The following POC1B variants were observed in gnomAD, a reference collection of about 807,000 sequenced individuals.
POC1B encodes the protein POC1 centriolar protein homolog B.
In POC1B, 44 loss-of-function variants were observed where a neutral mutation model predicts 60.6. That is an observed-to-expected ratio of 0.73 (90% confidence interval 0.57 to 0.93). POC1B has a LOEUF of 0.93. Among genes scored for constraint, POC1B ranks in the 40% least tolerant of loss-of-function variants. The pLI, the probability that POC1B is intolerant of heterozygous loss-of-function variation, is 0.00. For missense variants in POC1B, 555 were observed against 572.3 expected, an observed-to-expected ratio of 0.97 and a Z score of 0.31; for synonymous variants, 180 against 198.9, an observed-to-expected ratio of 0.90 and a Z score of 0.80.
At chr12:89,501,655 AC>A (rs1251535095) in intron 2 of POC1B, 4 of 1,142,544 alleles carry the variant, frequency 3.5e-6, no homozygotes, top group Non-Finnish European at 5.2e-6. Flanking sequence ...TTCAACTGTC[AC>A]GAGAAGTCGA....
Position 89,496,397 on chromosome 12 carries a change from T to A in POC1B, c.272+774A>T, listed in dbSNP as rs570046940. Among the ~76,000 whole-genome samples the A allele has an allele frequency of 1.1e-3, 164 of 152,166 alleles. 1 individual carries two copies. Among genetic ancestry groups the A allele is most frequent in the South Asian group, 8.5e-3 (41 of 4,818 alleles). ...TATGGGGGGAAATGATATGTAGGAT[T>A]TTTTCTAAAAATACTCCAGGGGAAA... On this transcript the variant is annotated intron_variant, in intron 3 of 11. Transcript: ENST00000313546.
chr12:89,439,478 G>T (rs1242646096), intron 10 of POC1B, among the ~76,000 whole-genome samples: 1 of 152,204 alleles, frequency 6.6e-6, no homozygotes, highest in Non-Finnish European at 1.5e-5. Context: ...TTATTAAAAT[G>T]CAGGGTCTGA....
rs372284817 is a variant in POC1B, at chr12:89,500,226, A to C, written c.101-2884T>G. On this transcript the variant is annotated intron_variant, in intron 2 of 11. Transcript: ENST00000313546. The stretch of plus-strand genomic sequence containing the variant: ...ATCTTACAAGACTGTTTTGAAGAAA[A>C]AAGTCTTGCCAATGATTTTAGCACA... 293 of 1,585,860 alleles carry C rather than the reference A, an allele frequency of 1.8e-4. 1 individual carries two copies. In the African/African-American group the frequency reaches 3.4e-3, roughly 19 times the overall value.
rs894901636 is a variant in POC1B at position 89,488,499 on chromosome 12, T to C, written c.452+3437A>G. 8.5e-5 allele frequency among the ~76,000 whole-genome samples: 13 copies of C among 152,266 alleles called. No individual in the cohort carries two copies. In the East Asian group the frequency reaches 1.7e-3, roughly 20 times the overall value. Reference sequence around the variant, plus strand: ...GCTATTATTATTATTGTTATTATTATTATTCTGAGATAGAGTCTAGCTCTG... The same window carrying C: ...GCTATTATTATTATTGTTATTATTACTATTCTGAGATAGAGTCTAGCTCTG... On this transcript the variant is annotated intron_variant, in intron 4 of 11. Transcript: ENST00000313546.
rs117230973 is a variant in POC1B, at chr12:89,497,450, C to A, written c.101-108G>T. On this transcript the variant is annotated intron_variant, in intron 2 of 11. Transcript: ENST00000313546. ...ATAACAAGGCATCCAGGTAATAGAG[C>A]GGCTGGAGGTTGTAAGGCTGCCCAG... is the stretch of plus-strand genomic sequence containing the variant. 640 of 1,165,850 alleles carry A rather than the reference C, an allele frequency of 5.5e-4. 8 individuals are homozygous for A. In the East Asian group the frequency reaches 0.015, roughly 27 times the overall value. 72.2% of individuals were successfully genotyped at this position (1,165,850 alleles called of 1,614,324 possible).
chr12:89,523,796 C>A lies in POC1B; in HGVS notation c.100+1324G>T, dbSNP rs1380037830. ...TCAATTGTGTCTATAACAGGACACA[C>A]AACTGCTGTTTCATCTCTCCCAATC... On this transcript the variant is annotated intron_variant, in intron 2 of 11. Transcript: ENST00000313546. 5 of 1,535,232 alleles carry A rather than the reference C, an allele frequency of 3.3e-6. No homozygotes were observed. The South Asian group carries it at 6.6e-5, about 20-fold the overall frequency.
rs918491608 is a variant in POC1B at position 89,520,584 on chromosome 12, G to A, written c.100+4536C>T. On this transcript the variant is annotated intron_variant, in intron 2 of 11. Transcript: ENST00000313546. Reference sequence around the variant, plus strand: ...TGGACAATTTTTTGATAAACTTTAAGGCTGCTAAATAATTTACAGAAACTG... The same window carrying A: ...TGGACAATTTTTTGATAAACTTTAAAGCTGCTAAATAATTTACAGAAACTG... 6 of 152,238 alleles carry A rather than the reference G, an allele frequency of 3.9e-5. No individual in the cohort carries two copies. The South Asian group carries it at 1.2e-3, about 32-fold the overall frequency. The allele number at this position is 152,238 out of a possible 1,614,324, so 9.4% of individuals were successfully genotyped here.
chr12:89,474,008 C>T (rs1250623244), intron 4 of POC1B, among the ~76,000 whole-genome samples: 2 of 152,022 alleles, frequency 1.3e-5, no homozygotes, highest in Non-Finnish European at 2.9e-5. Flanking sequence ...AGTTTGAGAC[C>T]AGCCTGGACA....
intron 1 of POC1B, 50 bp from the exon 2 acceptor site, chr12:89,525,254 C>G (rs760506612): frequency 6.4e-7 from 1 of 1,569,184 alleles, no homozygotes. Flanking sequence ...ACCTCGAATT[C>G]TGGCGGCTGG....
intron 4 of POC1B, among the ~76,000 whole-genome samples, chr12:89,479,101 C>T (rs1883224567): frequency 1.3e-5 from 2 of 152,132 alleles, no homozygotes; most frequent in Admixed American, 1.3e-4. Flanking sequence ...TTTTAAAAGT[C>T]CAGATCTTGT....
rs554616092 is a variant in POC1B at position 89,517,953 on chromosome 12, C to T, written c.100+7167G>A. On this transcript the variant is annotated intron_variant, in intron 2 of 11. Transcript: ENST00000313546. ...CAAATAGACAGGTTAGAATGGTGAC[C>T]AGACACCCGAAGACACTGCTGGCCT... is the stretch of plus-strand genomic sequence containing the variant. 3.9e-5 allele frequency among the ~76,000 whole-genome samples: 6 copies of T among 152,260 alleles called. No homozygotes were observed. The South Asian group carries it at 1.2e-3, about 32-fold the overall frequency.
chr12:89,426,350 T>A (rs1239419764), intron 10 of POC1B: 2 of 152,178 alleles, frequency 1.3e-5, no homozygotes, highest in African/African-American at 4.8e-5. Flanking sequence ...GTGAATATAC[T>A]TAATGCCAGT....
chr12:89,459,689 CA>C lies in POC1B; in HGVS notation c.1061del (p.Leu354CysfsTer39), dbSNP rs759972304. On this transcript the variant is annotated frameshift_variant, in exon 10 of 12. Coordinates refer to ENST00000313546, the MANE Select transcript of POC1B (RefSeq NM_172240.3). LOFTEE classifies it high-confidence loss of function. ...EINPKLEVID[L>X]QISTPPVMDI... ...CCATAACAGGGGGAGTAGAGATCTGCAAATCGATTACCTCAAGCTTTGGATT... is the reference window on the plus strand; with the variant it reads ...CCATAACAGGGGGAGTAGAGATCTGCAATCGATTACCTCAAGCTTTGGATT... 1 of 1,535,688 alleles carries C rather than the reference CA, an allele frequency of 6.5e-7. No homozygotes were observed. Among genetic ancestry groups the C allele is most frequent in the Non-Finnish European group, 8.8e-7 (1 of 1,140,278 alleles).
At chr12:89,464,667 T>C (rs1485559108) in intron 9 of POC1B, among the ~76,000 whole-genome samples, 1 of 151,622 alleles carries the variant, frequency 6.6e-6, no homozygotes, top group African/African-American at 2.4e-5. Flanking sequence ...TTTGTATTTT[T>C]AGTAGAGACG....
At chr12:89,511,398 A>G (rs1319006665) in intron 2 of POC1B, among the ~76,000 whole-genome samples, 1 of 151,826 alleles carries the variant, frequency 6.6e-6, no homozygotes, top group Non-Finnish European at 1.5e-5. Flanking sequence ...CCTGGGCAAC[A>G]AAGTGAGACT....
At chr12:89,523,333 T>G (rs1178068355) in intron 2 of POC1B, 1 of 1,614,066 alleles carries the variant, frequency 6.2e-7, no homozygotes, top group East Asian at 2.2e-5. Flanking sequence ...AATATCACCA[T>G]AAGCTTCTTT....
chr12:89,468,423 A>G (rs183578632), intron 7 of POC1B, among the ~76,000 whole-genome samples: 5 of 152,336 alleles, frequency 3.3e-5, no homozygotes, highest in African/African-American at 7.2e-5. Context: ...AAATATTAAT[A>G]TATACCATAT....
chr12:89,473,630 C>CAG (rs1188064302), intron 4 of POC1B, among the ~76,000 whole-genome samples: 1 of 127,270 alleles, frequency 7.9e-6, no homozygotes, highest in Non-Finnish European at 1.6e-5. Context: ...CACTGCACTC[C>CAG]AGCTTGGGCG....
At chr12:89,522,744 CTGAGGCTCT>C in intron 2 of POC1B, 2 of 1,504,780 alleles carry the variant, frequency 1.3e-6, no homozygotes, top group South Asian at 2.8e-5. Context: ...ACAATCTTCA[CTGAGGCTCT>C]TAAGGCTCTT....
Sources: allele counts gnomAD v4.1 joint callset (sites outside exome capture counted in the v4.1 genomes callset), GRCh38; gene constraint gnomAD v4.1.1; transcripts MANE v1.5; gene names NCBI Gene and HGNC (gene_info 2026-07-23, HGNC 2026-07-21).